Variants in ZNF229 observed in about 807,000 individuals in gnomAD.
ZNF229 encodes the protein zinc finger protein 229.
Under a neutral mutation model 11.8 loss-of-function variants are expected in ZNF229, and 10 were observed. The ratio of observed to expected loss-of-function variants is 0.85; its 90% CI spans 0.52 to 1.44. The LOEUF is 1.44. ZNF229 is among the 40% of genes most tolerant of loss of function. ZNF229 has a pLI of 0.00. For synonymous variants in ZNF229, 368 were observed against 374.8 expected, an observed-to-expected ratio of 0.98 and a Z score of 0.21; for missense variants, 1,045 against 1,015.1, an observed-to-expected ratio of 1.03 and a Z score of -0.40.
At position 44,428,898 on chromosome 19, in the gene ZNF229, T is replaced by C. The variant is rs369534303; in HGVS notation, c.1883A>G (p.Tyr628Cys). The C allele has an allele frequency of 6.2e-7, 1 of 1,613,540 alleles. No individual in the cohort carries two copies. Among genetic ancestry groups the C allele is most frequent in the Non-Finnish European group, 8.5e-7 (1 of 1,179,892 alleles). Residue 628 changes from tyrosine (Y) to cysteine (C), a missense_variant, in exon 6 of 6, where the codon TAT becomes TGT. Tyr to Cys is a radical substitution (Grantham distance 194). Transcript: ENST00000614049. ...GCCTTTGCCACACTCAGCACATTTA[T>C]AGGGTTTCTCTCCAGTGTGGACCCT... ...HQRVHTGEKP[Y>C]KCAECGKGFS... is the part of the protein sequence containing the mutation.
chr19:44,440,382 C>T (rs865958286), intron 4 of ZNF229, among the ~76,000 whole-genome samples: 5 of 152,148 alleles, frequency 3.3e-5, no homozygotes, highest in African/African-American at 1.2e-4. Flanking sequence ...CCAGAAGTTA[C>T]ACCATTTATC....
chr19:44,442,320 G>C (rs910861134), intron 4 of ZNF229, among the ~76,000 whole-genome samples: 6 of 152,136 alleles, frequency 3.9e-5, no homozygotes, highest in African/African-American at 1.4e-4. Context: ...AGGCATAGCG[G>C]AAAGGTAGAT....
At position 44,436,647 on chromosome 19, in the gene ZNF229, C is replaced by T. The variant is rs535230686; in HGVS notation, c.94-4281G>A. The stretch of plus-strand genomic sequence containing the variant: ...AAATAAAATAAGCTAGGTGTGATGG[C>T]GCACCTGTAGTCCCAGCTACTTGAG... On this transcript the variant is annotated intron_variant, in intron 4 of 5. Transcript: ENST00000614049. 4.0e-5 allele frequency among the ~76,000 whole-genome samples: 6 copies of T among 150,384 alleles called. No homozygotes were observed. In the East Asian group the frequency reaches 1.0e-3, roughly 25 times the overall value.
At chr19:44,431,412 G>C (rs1971720201) in intron 5 of ZNF229, among the ~76,000 whole-genome samples, 1 of 151,926 alleles carries the variant, frequency 6.6e-6, no homozygotes, top group South Asian at 2.1e-4. Context: ...TTATAACCAG[G>C]GACTAGTACA....
At position 44,429,270 on chromosome 19, in the gene ZNF229, A is replaced by G. The variant is rs753799712; in HGVS notation, c.1511T>C (p.Leu504Pro). Reference sequence around the variant, plus strand: ...CATGTGAACTCTCTGGTGAGCTTGAAGGTACGAGTTGTGACTGAAACCTTT... The same window carrying G: ...CATGTGAACTCTCTGGTGAGCTTGAGGGTACGAGTTGTGACTGAAACCTTT... ...CGKGFSHNSY[L>P]QAHQRVHMGQ... Residue 504 changes from leucine to proline, a missense_variant, in exon 6 of 6, where the codon CTT becomes CCT. Leu to Pro is a moderately conservative substitution (Grantham distance 98, BLOSUM62 -3). Transcript: ENST00000614049. 4.3e-6 allele frequency: 7 copies of G among 1,613,944 alleles called. No individual in the cohort carries two copies. The highest frequency in any genetic ancestry group is 5.9e-6 in the Non-Finnish European group (7 of 1,180,032).
chr19:44,448,206 AC>A (rs1302764190), intron 1 of ZNF229, 102 bp downstream of exon 1: 1 of 152,220 alleles, frequency 6.6e-6, no homozygotes, highest in African/African-American at 2.4e-5. Flanking sequence ...CTGGCCTCAA[AC>A]TGCTTTTCCA....
chr19:44,436,613 C>T (rs1971818901), intron 4 of ZNF229, among the ~76,000 whole-genome samples: 1 of 151,964 alleles, frequency 6.6e-6, no homozygotes, highest in African/African-American at 2.4e-5. Flanking sequence ...AGACCTACAT[C>T]TCTACAAAAA....
At position 44,448,342 on chromosome 19, in the gene ZNF229, C is replaced by G. The variant is rs1972039005; in HGVS notation, c.-299G>C. ...GCTCATGGAAATCCGTGGGCTTCGA[C>G]CCTCCGCCGCACGTTGTCCCTTCAC... On this transcript the variant is annotated 5_prime_UTR_variant, in exon 1 of 6. Transcript: ENST00000614049. The G allele has an allele frequency of 6.6e-6, 1 of 152,388 alleles. No homozygotes were observed. The highest frequency in any genetic ancestry group is 2.4e-5 in the African/African-American group (1 of 41,472). The allele number at this position is 152,388 out of a possible 1,614,324, so 9.4% of individuals were successfully genotyped here. A position where few individuals can be genotyped will look rare whatever the true frequency, so the allele number is the denominator to read the frequency against.
chr19:44,445,544 A>C (rs2571165), intron 2 of ZNF229, among the ~76,000 whole-genome samples: 30,279 of 151,882 alleles, frequency 0.2, 3,143 homozygotes, highest in East Asian at 0.35. Context: ...TGCCTTTTTC[A>C]TCAGATGCCT....
intron 1 of ZNF229, 99 bp from the exon 2 acceptor site, chr19:44,447,699 C>A (rs557614095): frequency 6.6e-6 from 1 of 152,274 alleles, no homozygotes; most frequent in Admixed American, 6.5e-5. Context: ...TGTAATCTAC[C>A]CCTTCCTGTA....
intron 3 of ZNF229, 96 bp downstream of exon 3, chr19:44,442,718 T>C: frequency 6.2e-7 from 1 of 1,604,282 alleles, no homozygotes; most frequent in Non-Finnish European, 8.5e-7. Flanking sequence ...ACAGACTGGT[T>C]TCTTCTCACT....
chr19:44,434,656 AATT>A (rs1252519215), intron 4 of ZNF229, among the ~76,000 whole-genome samples: 2 of 152,250 alleles, frequency 1.3e-5, no homozygotes, highest in Non-Finnish European at 2.9e-5. Context: ...GGGCTCTCAG[AATT>A]ATACTTTGCC....
chr19:44,440,417 C>G (rs1274302776), intron 4 of ZNF229, among the ~76,000 whole-genome samples: 1 of 152,132 alleles, frequency 6.6e-6, no homozygotes, highest in Non-Finnish European at 1.5e-5. Context: ...GGAAGACCAA[C>G]TGGATTAAAT....
At chr19:44,442,792 C>CCCCCCCCCAAAA in intron 3 of ZNF229, 22 bp downstream of exon 3, 3 of 1,538,322 alleles carry the variant, frequency 2.0e-6, no homozygotes, top group African/African-American at 1.4e-5. Context: ...TCCCCCCACC[C>CCCCCCCCCAAAA]ACCCCCTCTA....
At chr19:44,436,521 C>T (rs546638051) in intron 4 of ZNF229, among the ~76,000 whole-genome samples, 1 of 152,286 alleles carries the variant, frequency 6.6e-6, no homozygotes, top group South Asian at 2.1e-4. Context: ...TGGCTCCTGC[C>T]GGTCATCCCA....
chr19:44,448,277 G>C (rs558237159), intron 1 of ZNF229, 32 bp downstream of exon 1: 12 of 152,324 alleles, frequency 7.9e-5, no homozygotes, highest in African/African-American at 2.9e-4. Flanking sequence ...CAGAATGTTC[G>C]ATACGTGCGC....
chr19:44,431,857 T>C, intron 5 of ZNF229: 1 of 971,536 alleles, frequency 1.0e-6, no homozygotes, highest in Non-Finnish European at 1.2e-6. Context: ...GTGATACCAT[T>C]AGGAGGTGGT....
chr19:44,436,862 C>G (rs1382216633), intron 4 of ZNF229, among the ~76,000 whole-genome samples: 1 of 152,056 alleles, frequency 6.6e-6, no homozygotes, highest in African/African-American at 2.4e-5. Flanking sequence ...AAATATCAAT[C>G]AATTGCTGTA....
At chr19:44,442,320 GA>G (rs1568408104) in intron 4 of ZNF229, among the ~76,000 whole-genome samples, 1 of 152,136 alleles carries the variant, frequency 6.6e-6, no homozygotes, top group East Asian at 1.9e-4. Flanking sequence ...AGGCATAGCG[GA>G]AAGGTAGATT....
Sources: allele counts gnomAD v4.1 joint callset (sites outside exome capture counted in the v4.1 genomes callset), GRCh38; gene constraint gnomAD v4.1.1; transcripts MANE v1.5; gene names NCBI Gene and HGNC (gene_info 2026-07-23, HGNC 2026-07-21).